The following WDSUB1 variants were observed in gnomAD, a reference collection of about 807,000 sequenced individuals.
WDSUB1 encodes WD repeat, SAM and U-box domain-containing protein 1.
Under a neutral mutation model 53.9 loss-of-function variants are expected in WDSUB1, and 49 were observed. The ratio of observed to expected loss-of-function variants is 0.91; its 90% confidence interval spans 0.72 to 1.15. The LOEUF is 1.15. WDSUB1 is among the 50% of genes most tolerant of loss of function. The pLI, the probability that WDSUB1 is intolerant of heterozygous loss-of-function variation, is 0.00. For synonymous variants in WDSUB1, 194 were observed against 200.6 expected (o/e 0.97, Z 0.28); for missense variants, 514 against 562.0 (o/e 0.91, Z 0.86).
At chr2:159,284,196 G>A (rs2061738937) in intron 1 of WDSUB1, among the ~76,000 whole-genome samples, 1 of 152,148 alleles carries the variant, frequency 6.6e-6, no homozygotes, top group Admixed American at 6.5e-5. Context: ...TATAACCTCT[G>A]ATTCTCACAA....
chr2:159,277,620 G>A (rs1329619874), intron 3 of WDSUB1, among the ~76,000 whole-genome samples: 1 of 152,164 alleles, frequency 6.6e-6, no homozygotes, highest in African/African-American at 2.4e-5. Flanking sequence ...ACTCTCAGGT[G>A]CAAACAGGAT....
At chr2:159,253,353 A>G (rs189127147) in intron 9 of WDSUB1, among the ~76,000 whole-genome samples, 47 of 151,402 alleles carry the variant, frequency 3.1e-4, no homozygotes, top group African/African-American at 9.6e-4. Flanking sequence ...CTGTACGTCT[A>G]TTGTACCCTA....
At chr2:159,283,159 A>G (rs990612007) in intron 1 of WDSUB1, 66 bp from the exon 2 acceptor site, 43 of 1,356,008 alleles carry the variant, frequency 3.2e-5, no homozygotes, top group Non-Finnish European at 4.3e-5. Flanking sequence ...TTGAGTCTAT[A>G]TAAAAGGGCC....
rs1211719005 is a variant in WDSUB1, at chr2:159,247,914, TATATATATATATAA to T, written c.1273+444_1273+457del. Among the ~76,000 whole-genome samples, 34 of 65,798 alleles carry T rather than the reference TATATATATATATAA, an allele frequency of 5.2e-4. 1 individual carries two copies. The highest frequency in any genetic ancestry group is 1.2e-3 in the Admixed American group (6 of 5,152). 43.2% of individuals were successfully genotyped at this position (65,798 alleles called of 152,430 possible). On this transcript the variant is annotated intron_variant, in intron 10 of 10. Coordinates refer to ENST00000359774, the MANE Select transcript of WDSUB1 (RefSeq NM_001128212.3). ...ATATATATATATATATATATAAATA[TATATATATATATAA>T]ATATATATATATATAAAATTTGGAT...
chr2:159,249,572 T>C (rs931843251), intron 9 of WDSUB1, among the ~76,000 whole-genome samples: 3 of 152,180 alleles, frequency 2.0e-5, no homozygotes, highest in South Asian at 4.1e-4. Flanking sequence ...GACAGTCTTC[T>C]TGAGGATGTC....
chr2:159,249,444 A>G (rs2060897083), intron 9 of WDSUB1, among the ~76,000 whole-genome samples: 1 of 152,216 alleles, frequency 6.6e-6, no homozygotes, highest in Admixed American at 6.5e-5. Context: ...TGAAGTGGGT[A>G]GAAGAATTAG....
chr2:159,239,410 T>C (rs564837781), intron 10 of WDSUB1, among the ~76,000 whole-genome samples: 1 of 152,358 alleles, frequency 6.6e-6, no homozygotes, highest in East Asian at 1.9e-4. Context: ...CTTGCTACTT[T>C]ACAAAATTCA....
rs1250772117 is a variant in WDSUB1, at chr2:159,275,560, A to T, written c.662T>A (p.Phe221Tyr). 2 of 1,604,118 alleles carry T rather than the reference A, an allele frequency of 1.2e-6. No homozygotes were observed. The highest frequency in any genetic ancestry group is 2.3e-5 in the South Asian group (2 of 88,266). ...DCQVKIWIVS[F>Y]THILGFELKY... is the part of the protein sequence containing the mutation. The stretch of plus-strand genomic sequence containing the variant: ...GGCATACATACCTAAGATATGGGTA[A>T]AAGAAACAATCCAAATTTTGACTTG... The change falls in exon 4 of 11, where the codon TTT becomes TAT. Residue 221 changes from phenylalanine to tyrosine, a missense_variant. By Grantham distance (22) the Phe-to-Tyr change is conservative (BLOSUM62 3). Transcript: ENST00000359774.
intron 9 of WDSUB1, among the ~76,000 whole-genome samples, chr2:159,252,628 T>G (rs2060974775): frequency 6.6e-6 from 1 of 152,100 alleles, no homozygotes; most frequent in Admixed American, 6.5e-5. Flanking sequence ...TAATCACATA[T>G]AAACAACAAC....
chr2:159,255,047 T>C (rs1294480827), intron 9 of WDSUB1, among the ~76,000 whole-genome samples: 1 of 152,044 alleles, frequency 6.6e-6, no homozygotes, highest in Non-Finnish European at 1.5e-5. Flanking sequence ...GGAAGACCAC[T>C]TGAGCCTGGG....
rs182531800 is a variant in WDSUB1 at position 159,253,023 on chromosome 2, C to T, written c.1132+3173G>A. Among the ~76,000 whole-genome samples the T allele has an allele frequency of 5.5e-3, 835 of 152,272 alleles. 11 individuals carry two copies. The highest frequency in any genetic ancestry group is 0.019 in the African/African-American group (786 of 41,560). ...TATAGCAATTCCAAACTCCAAGATA[C>T]GTAGCAATCTGCCGCATTCCCAAGG... On this transcript the variant is annotated intron_variant, in intron 9 of 10. Transcript: ENST00000359774.
At chr2:159,272,458 A>T (rs1380450265) in intron 4 of WDSUB1, among the ~76,000 whole-genome samples, 4 of 152,164 alleles carry the variant, frequency 2.6e-5, no homozygotes, top group African/African-American at 7.2e-5. Flanking sequence ...GGGATTTGTC[A>T]AATTATGCTG....
intron 10 of WDSUB1, among the ~76,000 whole-genome samples, chr2:159,239,945 C>T (rs1196040071): frequency 6.6e-6 from 1 of 152,234 alleles, no homozygotes; most frequent in East Asian, 1.9e-4. Context: ...TTACCTGTGA[C>T]TGCCTTTTGC....
In WDSUB1 at chr2:159,259,258, C is replaced by G. The variant is rs367554449; in HGVS notation, c.804+552G>C. Among the ~76,000 whole-genome samples the G allele has an allele frequency of 1.2e-4, 19 of 152,344 alleles. 1 individual carries two copies. In the South Asian group the frequency reaches 2.9e-3, roughly 23 times the overall value. On this transcript the variant is annotated intron_variant, in intron 6 of 10. Transcript: ENST00000359774. ...CAGGCTGGTCTTAAACTCCTGGACTCAAGCCATCTGCCTGCTTCAGCCTTC... is the reference window on the plus strand; with the variant it reads ...CAGGCTGGTCTTAAACTCCTGGACTGAAGCCATCTGCCTGCTTCAGCCTTC...
chr2:159,261,068 T>C (rs1257791216), intron 5 of WDSUB1, among the ~76,000 whole-genome samples: 3 of 152,198 alleles, frequency 2.0e-5, no homozygotes, highest in African/African-American at 7.2e-5. Flanking sequence ...GCATATACTG[T>C]CAGCCCTCCA....
At chr2:159,279,670 T>C in intron 3 of WDSUB1, 91 bp downstream of exon 3, 1 of 1,187,388 alleles carries the variant, frequency 8.4e-7, no homozygotes, top group South Asian at 2.3e-5. Context: ...CTACTAATGA[T>C]AACATAAAAA....
chr2:159,247,930 T>TATATATATATAAATATATATATATATAA (rs2060852348), intron 10 of WDSUB1, among the ~76,000 whole-genome samples: 6 of 63,272 alleles, frequency 9.5e-5, no homozygotes, highest in Non-Finnish European at 1.5e-4. Context: ...TATATATAAA[T>TATATATATATAAATATATATATATATAA]ATATATATAT....
chr2:159,273,250 T>C (rs1227545893), intron 4 of WDSUB1, among the ~76,000 whole-genome samples: 1 of 152,074 alleles, frequency 6.6e-6, no homozygotes, highest in African/African-American at 2.4e-5. Context: ...GCATGATTAA[T>C]CAAACAAAGC....
intron 9 of WDSUB1, among the ~76,000 whole-genome samples, chr2:159,253,948 G>A (rs1280600412): frequency 6.6e-6 from 1 of 152,128 alleles, no homozygotes; most frequent in African/African-American, 2.4e-5. Flanking sequence ...AAAAATAAAT[G>A]TTACAGTCAA....
Sources: gnomAD v4.1 joint callset for allele counts (sites outside exome capture counted in the v4.1 genomes callset) on GRCh38, gnomAD v4.1.1 for gene constraint, MANE v1.5 for transcripts, NCBI Gene and HGNC (gene_info 2026-07-23, HGNC 2026-07-21) for gene names.